Variants in SLC44A5 observed in about 807,000 individuals in gnomAD.
The protein encoded by SLC44A5 is solute carrier family 44 member 5.
A neutral mutation model predicts 101.8 loss-of-function variants in SLC44A5; 57 were observed. The ratio of observed to expected loss-of-function variants is 0.56; its 90% CI spans 0.45 to 0.70. The LOEUF is 0.70. Ranked by LOEUF, SLC44A5 falls within the 30% of genes least tolerant of loss-of-function variation. The pLI, the probability that SLC44A5 is intolerant of heterozygous loss-of-function variation, is 0.00. For missense variants in SLC44A5, 737 were observed against 853.1 expected (o/e 0.86, Z 1.70); for synonymous variants, 281 against 290.9 (o/e 0.97, Z 0.35).
At chr1:75,514,213 C>T (rs568993273) in intron 2 of SLC44A5, among the ~76,000 whole-genome samples, 6 of 152,162 alleles carry the variant, frequency 3.9e-5, no homozygotes, top group Admixed American at 1.3e-4. Context: ...CTCTTCTTCA[C>T]ATTTGTTTGA....
intron 1 of SLC44A5, 56 bp from the exon 2 acceptor site, chr1:75,541,572 T>A: frequency 8.5e-7 from 1 of 1,181,232 alleles, no homozygotes; most frequent in Non-Finnish European, 1.2e-6. Flanking sequence ...TTTTACTCAT[T>A]AACAACTAAC....
intron 1 of SLC44A5, among the ~76,000 whole-genome samples, chr1:75,584,378 T>C (rs1673876052): frequency 6.6e-6 from 1 of 152,238 alleles, no homozygotes; most frequent in African/African-American, 2.4e-5. Context: ...CATTAGAATA[T>C]AAAAACCCTT....
At chr1:75,386,133 C>T (rs1252894975) in intron 3 of SLC44A5, among the ~76,000 whole-genome samples, 1 of 151,766 alleles carries the variant, frequency 6.6e-6, no homozygotes, top group Non-Finnish European at 1.5e-5. Context: ...GAAGCATTCC[C>T]TTTGAAAACT....
intron 2 of SLC44A5, among the ~76,000 whole-genome samples, chr1:75,472,260 T>C (rs1295447093): frequency 6.6e-6 from 1 of 152,128 alleles, no homozygotes; most frequent in East Asian, 1.9e-4. Flanking sequence ...CACCTGTCAG[T>C]AGTACCTTTC....
intron 4 of SLC44A5, among the ~76,000 whole-genome samples, chr1:75,312,517 G>T (rs775064688): frequency 2.2e-4 from 34 of 151,902 alleles, no homozygotes; most frequent in Non-Finnish European, 3.7e-4. Flanking sequence ...GGGGATGGGG[G>T]GTGTTACAGA....
chr1:75,685,001 T>C, the SLC44A5 span, among the ~76,000 whole-genome samples: 1 of 147,532 alleles, frequency 6.8e-6, no homozygotes. Context: ...CCATACATCC[T>C]CTGAAATCGA....
At chr1:75,631,913 A>T in the SLC44A5 span, among the ~76,000 whole-genome samples, 1 of 152,060 alleles carries the variant, frequency 6.6e-6, no homozygotes, top group Admixed American at 6.6e-5. Flanking sequence ...ACAATCTGCC[A>T]GCCTTGGCCT....
At chr1:75,562,248 C>T (rs1369558338) in intron 1 of SLC44A5, among the ~76,000 whole-genome samples, 2 of 151,580 alleles carry the variant, frequency 1.3e-5, no homozygotes, top group East Asian at 3.9e-4. Flanking sequence ...TTTTTTCTAC[C>T]CCAGATCCAT....
chr1:75,607,105 T>G (rs1675366407), intron 1 of SLC44A5, among the ~76,000 whole-genome samples: 1 of 152,030 alleles, frequency 6.6e-6, no homozygotes, highest in African/African-American at 2.4e-5. Context: ...TCATCTTCAC[T>G]TGTATATCAA....
intron 1 of SLC44A5, among the ~76,000 whole-genome samples, chr1:75,573,298 T>G (rs1489472674): frequency 6.6e-6 from 1 of 151,784 alleles, no homozygotes; most frequent in Non-Finnish European, 1.5e-5. Flanking sequence ...GAGCAGACAT[T>G]GCACCACTGA....
chr1:75,466,221 C>T (rs973275277), intron 2 of SLC44A5, among the ~76,000 whole-genome samples: 1 of 152,144 alleles, frequency 6.6e-6, no homozygotes, highest in Non-Finnish European at 1.5e-5. Context: ...GATGGTTCAA[C>T]ATACGTAAGC....
At chr1:75,406,731 G>T (rs11163346) in intron 2 of SLC44A5, among the ~76,000 whole-genome samples, 1 of 151,900 alleles carries the variant, frequency 6.6e-6, no homozygotes, top group African/African-American at 2.4e-5. Context: ...AGCTATTTAC[G>T]ACAAACCCAC....
chr1:75,315,013 T>G (rs563141440), intron 4 of SLC44A5, among the ~76,000 whole-genome samples: 5 of 152,208 alleles, frequency 3.3e-5, no homozygotes, highest in Non-Finnish European at 7.4e-5. Flanking sequence ...GGAATTTAGA[T>G]TCTATCTACA....
intron 1 of SLC44A5, among the ~76,000 whole-genome samples, chr1:75,567,673 C>T (rs211761): frequency 0.96 from 145,926 of 152,254 alleles, 69,963 homozygotes; most frequent in East Asian, 0.98. Flanking sequence ...TGGCCTTTCA[C>T]GGATGTATGA....
intron 3 of SLC44A5, among the ~76,000 whole-genome samples, chr1:75,386,319 C>G (rs1261205511): frequency 2.0e-5 from 3 of 152,164 alleles, no homozygotes; most frequent in South Asian, 2.1e-4. Context: ...CCCATTGTCT[C>G]AGCCGAAAAT....
intron 2 of SLC44A5, among the ~76,000 whole-genome samples, chr1:75,520,297 C>T (rs1332722780): frequency 6.6e-6 from 1 of 152,142 alleles, no homozygotes; most frequent in Non-Finnish European, 1.5e-5. Flanking sequence ...AGTTCAAGAC[C>T]AGCCTGGGCA....
At chr1:75,215,099 C>A (rs956381321) in intron 19 of SLC44A5, among the ~76,000 whole-genome samples, 1 of 152,134 alleles carries the variant, frequency 6.6e-6, no homozygotes, top group African/African-American at 2.4e-5. Context: ...ATAGGTTTAA[C>A]ATAATACTCT....
At chr1:75,369,978 T>C (rs1219995569) in intron 3 of SLC44A5, among the ~76,000 whole-genome samples, 1 of 152,226 alleles carries the variant, frequency 6.6e-6, no homozygotes, top group African/African-American at 2.4e-5. Flanking sequence ...CTCAGAAGGT[T>C]CTACGCCATC....
the SLC44A5 span, among the ~76,000 whole-genome samples, chr1:75,641,089 C>A: frequency 1.3e-5 from 2 of 152,068 alleles, no homozygotes; most frequent in Admixed American, 6.6e-5. Flanking sequence ...AGAAAGGCAA[C>A]TTTAGACTCT....
Sources: gnomAD v4.1 joint callset for allele counts (sites outside exome capture counted in the v4.1 genomes callset) on GRCh38, gnomAD v4.1.1 for gene constraint, MANE v1.5 for transcripts, NCBI Gene and HGNC (gene_info 2026-07-23, HGNC 2026-07-21) for gene names.